Variants in GRIA2 observed in about 807,000 individuals in gnomAD.
GRIA2 encodes glutamate receptor 2.
GRIA2 carries 14 observed loss-of-function variants against 97.3 expected under a neutral mutation model. That is an observed-to-expected ratio of 0.14 (90% confidence interval 0.10 to 0.23). The LOEUF (loss-of-function observed/expected upper bound fraction) is 0.23, where lower values mean the gene tolerates loss of function less well. Among genes scored for constraint, GRIA2 ranks in the 10% least tolerant of loss-of-function variants. The pLI, the probability that GRIA2 is intolerant of heterozygous loss-of-function variation, is 1.00. For synonymous variants in GRIA2, 412 were observed against 387.8 expected, an observed-to-expected ratio of 1.06 and a Z score of -0.73; for missense variants, 558 against 1,069.8, an observed-to-expected ratio of 0.52 and a Z score of 6.67.
At chr4:157,351,966 G>A (rs1736028667) in intron 12 of GRIA2, among the ~76,000 whole-genome samples, 1 of 152,118 alleles carries the variant, frequency 6.6e-6, no homozygotes, top group South Asian at 2.1e-4. Context: ...GTATGAAAAC[G>A]AACTTATATG....
At chr4:157,324,808 A>G (rs1734734525) in intron 6 of GRIA2, among the ~76,000 whole-genome samples, 1 of 152,206 alleles carries the variant, frequency 6.6e-6, no homozygotes, top group African/African-American at 2.4e-5. Context: ...GAGAGGAAGA[A>G]AAACTAGGAG....
At chr4:157,231,261 A>T (rs1049128417) in intron 2 of GRIA2, among the ~76,000 whole-genome samples, 11 of 152,076 alleles carry the variant, frequency 7.2e-5, no homozygotes, top group Non-Finnish European at 1.6e-4. Flanking sequence ...CCGGTCACGA[A>T]CTCCTGATCT....
intron 3 of GRIA2, among the ~76,000 whole-genome samples, chr4:157,311,832 G>A (rs1352193291): frequency 1.3e-5 from 2 of 151,918 alleles, no homozygotes; most frequent in Admixed American, 6.6e-5. Context: ...TATGTAGCAT[G>A]TCTCCAAGTG....
In GRIA2 at chr4:157,222,889, G is replaced by A. The variant is rs563181177; in HGVS notation, c.229+1082G>A. On this transcript the variant is annotated intron_variant, in intron 2 of 15. Coordinates refer to ENST00000264426, the MANE Select transcript of GRIA2 (RefSeq NM_001083619.3). ...CGCTCGCTCCCCCGCGCAGGCGTGG[G>A]CAGGCAGTCGCGGCCACTGTGCCTT... 1.9e-4 allele frequency among the ~76,000 whole-genome samples: 29 copies of A among 152,348 alleles called. No individual in the cohort carries two copies. In the South Asian group the frequency reaches 5.8e-3, roughly 30 times the overall value.
chr4:157,357,208 T>C (rs1202603911), intron 12 of GRIA2, among the ~76,000 whole-genome samples: 1 of 152,132 alleles, frequency 6.6e-6, no homozygotes, highest in Non-Finnish European at 1.5e-5. Context: ...GTCATCAGAT[T>C]CCTCTAATTC....
intron 2 of GRIA2, among the ~76,000 whole-genome samples, chr4:157,237,491 G>T (rs1004058810): frequency 2.0e-5 from 3 of 151,900 alleles, no homozygotes; most frequent in Non-Finnish European, 4.4e-5. Flanking sequence ...TGTGGACCGG[G>T]CTAGTCTCAA....
chr4:157,303,520 A>G, intron 2 of GRIA2, 32 bp from the exon 3 acceptor site: 13 of 1,599,990 alleles, frequency 8.1e-6, no homozygotes, highest in Non-Finnish European at 1.1e-5. Flanking sequence ...AATTTCAATG[A>G]TTTTTCCTTT....
At chr4:157,302,049 T>C (rs548395740) in intron 2 of GRIA2, among the ~76,000 whole-genome samples, 34 of 152,022 alleles carry the variant, frequency 2.2e-4, no homozygotes, top group African/African-American at 7.5e-4. Flanking sequence ...GGCACATGCC[T>C]GTAATCCCAG....
intron 2 of GRIA2, among the ~76,000 whole-genome samples, chr4:157,299,746 T>C (rs1733530367): frequency 6.6e-6 from 1 of 152,190 alleles, no homozygotes; most frequent in Non-Finnish European, 1.5e-5. Flanking sequence ...TGACATAAAG[T>C]GTCTTTTAGA....
In GRIA2 at chr4:157,336,374, C is replaced by T. The variant is rs776184980; in HGVS notation, c.1474-3C>T. ...CTATTACTTTCCTTTTTTTCCCTTACAGAAAGCTGATATTGCAATTGCTCC... is the reference window on the plus strand; with the variant it reads ...CTATTACTTTCCTTTTTTTCCCTTATAGAAAGCTGATATTGCAATTGCTCC... On this transcript the variant is annotated splice_region_variant and splice_polypyrimidine_tract_variant and intron_variant, in intron 10 of 15. Coordinates refer to ENST00000264426, the MANE Select transcript of GRIA2 (RefSeq NM_001083619.3). 1.3e-6 allele frequency: 2 copies of T among 1,531,378 alleles called. No individual in the cohort carries two copies. Among genetic ancestry groups the T allele is most frequent in the Non-Finnish European group, 1.8e-6 (2 of 1,141,118 alleles). 94.9% of individuals were successfully genotyped at this position (1,531,378 alleles called of 1,614,324 possible).
At chr4:157,355,833 A>T (rs1374038484) in intron 12 of GRIA2, among the ~76,000 whole-genome samples, 14 of 70,096 alleles carry the variant, frequency 2.0e-4, no homozygotes, top group Non-Finnish European at 3.3e-4. Context: ...ATTTATATAT[A>T]TTTTTATATA....
intron 2 of GRIA2, among the ~76,000 whole-genome samples, chr4:157,243,774 T>G (rs1466219691): frequency 1.3e-5 from 2 of 152,076 alleles, no homozygotes; most frequent in Admixed American, 6.6e-5. Flanking sequence ...TAAGTTGGGA[T>G]GCACATAGGC....
At chr4:157,236,404 A>T (rs1217250377) in intron 2 of GRIA2, among the ~76,000 whole-genome samples, 2 of 152,082 alleles carry the variant, frequency 1.3e-5, no homozygotes, top group Non-Finnish European at 2.9e-5. Context: ...TTTTCTTCTT[A>T]ACATAAATCG....
intron 2 of GRIA2, among the ~76,000 whole-genome samples, chr4:157,287,806 T>C (rs989469323): frequency 1.3e-5 from 2 of 151,596 alleles, no homozygotes; most frequent in South Asian, 2.1e-4. Flanking sequence ...TTTTCTCCGA[T>C]GAGCCATTAA....
chr4:157,335,460 C>T (rs1230217376), intron 9 of GRIA2: 1 of 551,832 alleles, frequency 1.8e-6, no homozygotes, highest in Non-Finnish European at 3.3e-6. Flanking sequence ...TGCATACAAG[C>T]CGTCTTAATG....
intron 2 of GRIA2, among the ~76,000 whole-genome samples, chr4:157,287,137 T>C (rs1282979829): frequency 6.6e-6 from 1 of 151,698 alleles, no homozygotes; most frequent in Non-Finnish European, 1.5e-5. Context: ...ACATCTATTT[T>C]AATAATTATT....
At chr4:157,319,685 T>C (rs1734474746) in intron 5 of GRIA2, among the ~76,000 whole-genome samples, 1 of 152,160 alleles carries the variant, frequency 6.6e-6, no homozygotes, top group African/African-American at 2.4e-5. Flanking sequence ...CTTGAGACTT[T>C]CCTTTTCTTC....
At chr4:157,283,941 T>C (rs1271402412) in intron 2 of GRIA2, among the ~76,000 whole-genome samples, 1 of 151,928 alleles carries the variant, frequency 6.6e-6, no homozygotes, top group Non-Finnish European at 1.5e-5. Flanking sequence ...AATGACCTGC[T>C]TTTTGAGATT....
intron 3 of GRIA2, among the ~76,000 whole-genome samples, chr4:157,310,093 A>T (rs944779269): frequency 6.6e-6 from 1 of 152,186 alleles, no homozygotes; most frequent in African/African-American, 2.4e-5. Flanking sequence ...GTTTTCAAGT[A>T]CATTGATAGC....
Sources: gnomAD v4.1 joint callset for allele counts (sites outside exome capture counted in the v4.1 genomes callset) on GRCh38, gnomAD v4.1.1 for gene constraint, MANE v1.5 for transcripts, NCBI Gene and HGNC (gene_info 2026-07-23, HGNC 2026-07-21) for gene names.